WDR70: variants seen among roughly 807,000 people sequenced by gnomAD.
WDR70 encodes the protein WD repeat domain 70.
Under a neutral mutation model 88.6 loss-of-function variants are expected in WDR70, and 53 were observed. The ratio of observed to expected loss-of-function variants is 0.60; its 90% CI spans 0.48 to 0.75. The LOEUF (loss-of-function observed/expected upper bound fraction) is 0.75. Among genes scored for constraint, WDR70 ranks in the 30% least tolerant of loss-of-function variants. The pLI, the probability that WDR70 is intolerant of heterozygous loss-of-function variation, is 0.00. For missense variants in WDR70, 610 were observed against 823.2 expected (o/e 0.74, Z 3.17); for synonymous variants, 280 against 270.0 (o/e 1.04, Z -0.36).
chr5:37,725,598 G>A (rs930525578), intron 16 of WDR70, among the ~76,000 whole-genome samples: 2 of 152,068 alleles, frequency 1.3e-5, no homozygotes, highest in East Asian at 1.9e-4. Context: ...TTCATTTTCT[G>A]TTATCATCTG....
chr5:37,537,857 C>T (rs575223575), intron 9 of WDR70, among the ~76,000 whole-genome samples: 4 of 152,090 alleles, frequency 2.6e-5, no homozygotes, highest in Non-Finnish European at 4.4e-5. Context: ...CATGGATTGT[C>T]GAGAACAACT....
At chr5:37,523,003 C>T (rs1371407983) in intron 9 of WDR70, among the ~76,000 whole-genome samples, 1 of 152,200 alleles carries the variant, frequency 6.6e-6, no homozygotes, top group African/African-American at 2.4e-5. Flanking sequence ...TGGGTGGAGC[C>T]CACCGCAGCT....
intron 10 of WDR70, among the ~76,000 whole-genome samples, chr5:37,663,813 T>C (rs941755463): frequency 6.6e-6 from 1 of 152,208 alleles, no homozygotes; most frequent in African/African-American, 2.4e-5. Flanking sequence ...TCCACCTGCG[T>C]GCCTGATTAT....
At chr5:37,437,780 AC>A in intron 5 of WDR70, 141 bp from the exon 6 acceptor site, 1 of 681,468 alleles carries the variant, frequency 1.5e-6, no homozygotes, top group East Asian at 2.9e-5. Context: ...ATACTCTCAC[AC>A]TTTTTTGCTG....
intron 13 of WDR70, among the ~76,000 whole-genome samples, chr5:37,715,989 G>C (rs1221396822): frequency 1.3e-5 from 2 of 152,076 alleles, no homozygotes; most frequent in East Asian, 3.9e-4. Context: ...CTCTAAGACT[G>C]CCTCTATACA....
intron 9 of WDR70, among the ~76,000 whole-genome samples, chr5:37,532,755 T>C (rs1297637700): frequency 6.6e-6 from 1 of 152,212 alleles, no homozygotes; most frequent in Non-Finnish European, 1.5e-5. Context: ...TAAATTCTTT[T>C]TCTGGCAATT....
chr5:37,665,860 C>A (rs1242405583), intron 10 of WDR70, among the ~76,000 whole-genome samples: 14 of 152,184 alleles, frequency 9.2e-5, no homozygotes, highest in Admixed American at 9.2e-4. Flanking sequence ...CCAAGGAAAC[C>A]CAGCATCCTC....
chr5:37,412,673 T>G (rs977131631), intron 5 of WDR70, among the ~76,000 whole-genome samples: 6 of 152,222 alleles, frequency 3.9e-5, no homozygotes, highest in Non-Finnish European at 7.3e-5. Flanking sequence ...TAGCACGTTC[T>G]GTGGTGGGGA....
chr5:37,748,264 C>T (rs1302268950), intron 17 of WDR70, among the ~76,000 whole-genome samples: 1 of 152,154 alleles, frequency 6.6e-6, no homozygotes, highest in Non-Finnish European at 1.5e-5. Context: ...GTAACCAAAA[C>T]AGCCATATAG....
intron 9 of WDR70, among the ~76,000 whole-genome samples, chr5:37,540,355 A>G (rs1533521): frequency 0.41 from 63,036 of 152,064 alleles, 15,169 homozygotes; most frequent in Non-Finnish European, 0.54. Context: ...GCTGTTATAT[A>G]TAATTCATTT....
rs367833860 is a variant in WDR70 at position 37,741,680 on chromosome 5, C to A, written c.1878-10806C>A. Among the ~76,000 whole-genome samples, 45 of 152,330 alleles carry A rather than the reference C, an allele frequency of 3.0e-4. 2 individuals are homozygous for A. In the South Asian group the frequency reaches 9.1e-3, roughly 31 times the overall value. On this transcript the variant is annotated intron_variant, in intron 17 of 17. Transcript: ENST00000265107. ...ATGCTCACTCGCCCACTGCTCATCT[C>A]ATGCTGGGCAGCTCAGTTCCTAACA... is the stretch of plus-strand genomic sequence containing the variant.
chr5:37,528,548 G>C (rs1741376082), intron 9 of WDR70, among the ~76,000 whole-genome samples: 1 of 152,024 alleles, frequency 6.6e-6, no homozygotes, highest in Admixed American at 6.6e-5. Context: ...TTAATGGGTG[G>C]AGCACACCAA....
intron 17 of WDR70, among the ~76,000 whole-genome samples, chr5:37,742,381 G>T (rs1304119902): frequency 2.6e-5 from 4 of 151,220 alleles, no homozygotes; most frequent in Non-Finnish European, 4.4e-5. Context: ...GCACTTTCTG[G>T]CTATTTGTAT....
intron 9 of WDR70, among the ~76,000 whole-genome samples, chr5:37,594,403 C>T (rs1220532270): frequency 6.6e-6 from 1 of 152,174 alleles, no homozygotes; most frequent in Non-Finnish European, 1.5e-5. Context: ...AAAAGGGAAT[C>T]CTTTCCCCAT....
At chr5:37,553,708 A>G (rs558070022) in intron 9 of WDR70, among the ~76,000 whole-genome samples, 1 of 152,128 alleles carries the variant, frequency 6.6e-6, no homozygotes, top group Non-Finnish European at 1.5e-5. Flanking sequence ...AACATTCTAT[A>G]TTTCTTTTAG....
intron 10 of WDR70, among the ~76,000 whole-genome samples, chr5:37,694,202 A>G (rs899396809): frequency 1.4e-4 from 21 of 152,166 alleles, no homozygotes; most frequent in African/African-American, 4.6e-4. Flanking sequence ...GAAACAACAG[A>G]TGCTGGAGAG....
intron 9 of WDR70, among the ~76,000 whole-genome samples, chr5:37,563,021 C>T (rs888703690): frequency 6.2e-5 from 8 of 129,106 alleles, no homozygotes; most frequent in South Asian, 5.6e-4. Flanking sequence ...CCAGTAGGGG[C>T]GGCCGGGCAG....
intron 10 of WDR70, among the ~76,000 whole-genome samples, chr5:37,611,963 G>A (rs185035438): frequency 3.2e-4 from 49 of 152,164 alleles, no homozygotes; most frequent in Middle Eastern, 3.4e-3. Context: ...TTAAGACTGT[G>A]CTTGCAGCCC....
chr5:37,562,976 C>T (rs1440854501), intron 9 of WDR70, among the ~76,000 whole-genome samples: 8 of 147,664 alleles, frequency 5.4e-5, no homozygotes, highest in Non-Finnish European at 9.0e-5. Context: ...ACCTCCCAGA[C>T]GGGGTGGTGG....
Sources: allele counts gnomAD v4.1 joint callset (sites outside exome capture counted in the v4.1 genomes callset), GRCh38; gene constraint gnomAD v4.1.1; transcripts MANE v1.5; gene names NCBI Gene and HGNC (gene_info 2026-07-23, HGNC 2026-07-21).